AGTPBP1: variants seen among roughly 807,000 people sequenced by gnomAD.
AGTPBP1 encodes the protein cytosolic carboxypeptidase 1.
In AGTPBP1, 70 loss-of-function variants were observed where a neutral mutation model predicts 143.9. The observed-to-expected ratio is 0.49, with a 90% CI of 0.40 to 0.59. The LOEUF (loss-of-function observed/expected upper bound fraction) is 0.59. AGTPBP1 is among the 20% of genes least tolerant of loss of function. The probability of loss-of-function intolerance (pLI) is 0.00; values close to 1 mark genes in which losing one functional copy is unlikely to be tolerated. For synonymous variants in AGTPBP1, 463 were observed against 500.2 expected (o/e 0.93, Z 0.99); for missense variants, 1,229 against 1,464.5 (o/e 0.84, Z 2.62).
the AGTPBP1 span, among the ~76,000 whole-genome samples, chr9:85,778,408 C>T: frequency 8.3e-3 from 1,271 of 152,280 alleles, 19 homozygotes; most frequent in African/African-American, 0.029. Context: ...CACTGTGATT[C>T]ACCTATGGGG....
At chr9:85,757,276 A>C in the AGTPBP1 span, among the ~76,000 whole-genome samples, 1 of 152,094 alleles carries the variant, frequency 6.6e-6, no homozygotes, top group East Asian at 1.9e-4. Flanking sequence ...CATATTGGTC[A>C]GACTGGTCTC....
intron 13 of AGTPBP1, among the ~76,000 whole-genome samples, chr9:85,638,541 C>T (rs1421268786): frequency 6.6e-6 from 1 of 151,900 alleles, no homozygotes; most frequent in Non-Finnish European, 1.5e-5. Context: ...CTAAATGCTC[C>T]AGTTAAATGA....
chr9:85,642,777 A>G lies in AGTPBP1; in HGVS notation c.1302+50T>C, dbSNP rs189179740. ...TGATTATCGACCTAAGGGAAAAAAA[A>G]TAACTTTTTATTAAAATCAGTTAAG... is the stretch of plus-strand genomic sequence containing the variant. On this transcript the variant is annotated intron_variant, in intron 13 of 25. Coordinates refer to ENST00000357081, the MANE Select transcript of AGTPBP1 (RefSeq NM_001330701.2). 990 of 1,421,916 alleles carry G rather than the reference A, an allele frequency of 7.0e-4. 1 individual carries two copies. The highest frequency in any genetic ancestry group is 8.9e-4 in the Non-Finnish European group (919 of 1,031,110). 88.1% of individuals were successfully genotyped at this position (1,421,916 alleles called of 1,614,324 possible). A position where few individuals can be genotyped will look rare whatever the true frequency, so the allele number is the denominator to read the frequency against.
At chr9:85,799,611 G>A in the AGTPBP1 span, among the ~76,000 whole-genome samples, 1 of 152,088 alleles carries the variant, frequency 6.6e-6, no homozygotes, top group East Asian at 1.9e-4. Flanking sequence ...CAAACTCCTG[G>A]CTCAAATTAT....
chr9:85,697,549 T>G (rs1587926283), intron 2 of AGTPBP1, among the ~76,000 whole-genome samples: 1 of 140,472 alleles, frequency 7.1e-6, no homozygotes, highest in South Asian at 2.4e-4. Context: ...GCCTCCCGGG[T>G]TCACGCCATT....
At chr9:85,779,414 A>G in the AGTPBP1 span, among the ~76,000 whole-genome samples, 1 of 152,100 alleles carries the variant, frequency 6.6e-6, no homozygotes, top group Non-Finnish European at 1.5e-5. Context: ...AAGAGCTTAG[A>G]GTCTGATGTT....
intron 12 of AGTPBP1, 148 bp downstream of exon 12, chr9:85,646,173 T>C (rs1832795006): frequency 1.7e-5 from 10 of 595,268 alleles, no homozygotes; most frequent in South Asian, 1.5e-4. Flanking sequence ...CAATATCATC[T>C]ACCCCTTTAA....
intron 25 of AGTPBP1, 137 bp from the exon 26 acceptor site, chr9:85,547,423 G>C (rs1006493572): frequency 2.2e-5 from 15 of 689,682 alleles, no homozygotes; most frequent in Non-Finnish European, 2.7e-5. Flanking sequence ...TTATCCAAAT[G>C]AACAAGTTGA....
At position 85,589,360 on chromosome 9, in the gene AGTPBP1, T is replaced by C. The variant is rs149868225; in HGVS notation, c.2722+168A>G. On this transcript the variant is annotated intron_variant, in intron 20 of 25. Coordinates refer to ENST00000357081, the MANE Select transcript of AGTPBP1 (RefSeq NM_001330701.2). The stretch of plus-strand genomic sequence containing the variant: ...GCCCCTTATTTTCAGGATAAGGAAA[T>C]TGAGGCCCAGAGGTGGGCTCATGGC... Among the ~76,000 whole-genome samples the C allele has an allele frequency of 3.8e-3, 581 of 152,212 alleles. 8 individuals are homozygous for C. Among genetic ancestry groups the C allele is most frequent in the African/African-American group, 0.013 (520 of 41,542 alleles).
intron 11 of AGTPBP1, among the ~76,000 whole-genome samples, chr9:85,648,064 G>A (rs1233585649): frequency 6.6e-6 from 1 of 152,144 alleles, no homozygotes; most frequent in Non-Finnish European, 1.5e-5. Context: ...GATAGCACAG[G>A]GGTTCTAGAA....
chr9:85,552,691 G>A (rs1187794051), intron 25 of AGTPBP1, among the ~76,000 whole-genome samples: 1 of 152,174 alleles, frequency 6.6e-6, no homozygotes, highest in African/African-American at 2.4e-5. Context: ...AAAGAAAACA[G>A]TAAATCAACC....
intron 17 of AGTPBP1, among the ~76,000 whole-genome samples, chr9:85,617,579 A>G (rs1830665874): frequency 6.6e-6 from 1 of 152,160 alleles, no homozygotes; most frequent in Non-Finnish European, 1.5e-5. Flanking sequence ...ACATTGAATG[A>G]GCCTATATTT....
At chr9:85,686,408 A>G (rs1417066402) in intron 3 of AGTPBP1, among the ~76,000 whole-genome samples, 1 of 152,120 alleles carries the variant, frequency 6.6e-6, no homozygotes, top group Non-Finnish European at 1.5e-5. Flanking sequence ...AGGAAGACAC[A>G]AAAATCATGT....
chr9:85,548,635 T>C (rs998438615), intron 25 of AGTPBP1, among the ~76,000 whole-genome samples: 2 of 152,050 alleles, frequency 1.3e-5, no homozygotes, highest in Non-Finnish European at 2.9e-5. Context: ...AGAAACAAGT[T>C]AGATTAAAAG....
chr9:85,566,357 G>GA (rs1827092183), intron 25 of AGTPBP1, among the ~76,000 whole-genome samples: 1 of 150,962 alleles, frequency 6.6e-6, no homozygotes, highest in Non-Finnish European at 1.5e-5. Flanking sequence ...CCTCTCTACT[G>GA]AAAAAACAAA....
the AGTPBP1 span, among the ~76,000 whole-genome samples, chr9:85,773,524 G>C: frequency 6.6e-6 from 1 of 151,240 alleles, no homozygotes; most frequent in Admixed American, 6.6e-5. Flanking sequence ...TTTTAGTAGA[G>C]ACGGGGTTTT....
At chr9:85,701,933 AAG>A (rs1836692588) in intron 2 of AGTPBP1, among the ~76,000 whole-genome samples, 1 of 152,230 alleles carries the variant, frequency 6.6e-6, no homozygotes, top group Non-Finnish European at 1.5e-5. Flanking sequence ...CAGGTTGTTC[AAG>A]AGAGTTTTAA....
intron 13 of AGTPBP1, among the ~76,000 whole-genome samples, chr9:85,642,552 T>C (rs1274519031): frequency 6.6e-6 from 1 of 151,816 alleles, no homozygotes; most frequent in African/African-American, 2.4e-5. Flanking sequence ...CAGGATGATC[T>C]TGATCTCCTG....
At chr9:85,677,605 ATTTAAACAAC>A in intron 5 of AGTPBP1, 23 bp from the exon 6 acceptor site, 1 of 1,462,250 alleles carries the variant, frequency 6.8e-7, no homozygotes. Flanking sequence ...AAAAAAAAAA[ATTTAAACAAC>A]AAATTAAAAA....
Sources: allele counts gnomAD v4.1 joint callset (sites outside exome capture counted in the v4.1 genomes callset), GRCh38; gene constraint gnomAD v4.1.1; transcripts MANE v1.5; gene names NCBI Gene and HGNC (gene_info 2026-07-23, HGNC 2026-07-21).